Variants in NOS1AP observed in about 807,000 individuals in gnomAD.
NOS1AP encodes nitric oxide synthase 1 adaptor protein, also known as carboxyl-terminal PDZ ligand of neuronal nitric oxide synthase protein.
In NOS1AP, 21 loss-of-function variants were observed where a neutral mutation model predicts 56.2. The ratio of observed to expected loss-of-function variants is 0.37; its 90% confidence interval spans 0.26 to 0.54. NOS1AP has a LOEUF of 0.54. Among genes scored for constraint, NOS1AP ranks in the 20% least tolerant of loss-of-function variants. NOS1AP has a pLI of 0.84. For synonymous variants in NOS1AP, 270 were observed against 274.6 expected (o/e 0.98, Z 0.17); for missense variants, 522 against 657.8 (o/e 0.79, Z 2.26).
At chr1:162,328,651 G>C (rs1656668033) in intron 4 of NOS1AP, among the ~76,000 whole-genome samples, 1 of 152,228 alleles carries the variant, frequency 6.6e-6, no homozygotes, top group South Asian at 2.1e-4. Context: ...ATAATGACCA[G>C]GGTGTCCCAG....
intron 2 of NOS1AP, among the ~76,000 whole-genome samples, chr1:162,192,573 C>T (rs1248713435): frequency 6.6e-6 from 1 of 152,160 alleles, no homozygotes; most frequent in East Asian, 1.9e-4. Flanking sequence ...AGGCTGTTGC[C>T]TGCCATGTGG....
At chr1:162,238,414 A>G (rs1291629883) in intron 2 of NOS1AP, among the ~76,000 whole-genome samples, 1 of 152,062 alleles carries the variant, frequency 6.6e-6, no homozygotes, top group Non-Finnish European at 1.5e-5. Flanking sequence ...AGTGACCTCC[A>G]CTTAACTTAC....
chr1:162,323,973 G>C (rs1245942826), intron 4 of NOS1AP, among the ~76,000 whole-genome samples: 1 of 152,186 alleles, frequency 6.6e-6, no homozygotes, highest in Non-Finnish European at 1.5e-5. Flanking sequence ...TATAACACTT[G>C]AAGGAAGGTA....
chr1:162,345,781 A>T (rs1657274600), intron 6 of NOS1AP, among the ~76,000 whole-genome samples: 1 of 152,242 alleles, frequency 6.6e-6, no homozygotes, highest in South Asian at 2.1e-4. Flanking sequence ...AAATAGTAGT[A>T]CTGTGCACTT....
At chr1:162,137,778 C>T (rs998742862) in intron 1 of NOS1AP, among the ~76,000 whole-genome samples, 18 of 152,068 alleles carry the variant, frequency 1.2e-4, no homozygotes, top group African/African-American at 3.9e-4. Context: ...AATTGGGTCT[C>T]GCTGTGTTGC....
At chr1:162,362,975 A>G (rs1657952374) in intron 8 of NOS1AP, 13 of 930,656 alleles carry the variant, frequency 1.4e-5, no homozygotes, top group Non-Finnish European at 1.5e-5. Flanking sequence ...TACTGTCACA[A>G]CATACTTCTA....
At chr1:162,337,182 C>T (rs567688202) in intron 5 of NOS1AP, among the ~76,000 whole-genome samples, 4 of 152,282 alleles carry the variant, frequency 2.6e-5, no homozygotes, top group South Asian at 4.1e-4. Context: ...TGCATCAGTG[C>T]GTGAAGTGCT....
chr1:162,364,114 G>A (rs1259442115), intron 8 of NOS1AP: 1 of 985,316 alleles, frequency 1.0e-6, no homozygotes, highest in African/African-American at 1.7e-5. Context: ...CTAAAAAAAT[G>A]TGAATCTCTT....
In NOS1AP at chr1:162,300,631, A is replaced by C. The variant is rs1655618340; in HGVS notation, c.271-2A>C. The C allele has an allele frequency of 6.2e-7, 1 of 1,613,680 alleles. No individual in the cohort carries two copies. Among genetic ancestry groups the C allele is most frequent in the Non-Finnish European group, 8.5e-7 (1 of 1,179,608 alleles). The stretch of plus-strand genomic sequence containing the variant: ...GGACAAGCCTAACTTATTCATTTAC[A>C]GCTTCTTTTATTGCAGAAAAAGGAA... On this transcript the variant is annotated splice_acceptor_variant, in intron 3 of 9. Transcript: ENST00000361897. LOFTEE classifies it high-confidence loss of function.
chr1:162,218,236 A>T (rs1652646772), intron 2 of NOS1AP, among the ~76,000 whole-genome samples: 1 of 152,204 alleles, frequency 6.6e-6, no homozygotes, highest in Non-Finnish European at 1.5e-5. Flanking sequence ...AGGAGAAAGA[A>T]TCCTTGGCTG....
chr1:162,073,080 GT>G (rs1224517276), intron 1 of NOS1AP, among the ~76,000 whole-genome samples: 3 of 152,186 alleles, frequency 2.0e-5, no homozygotes, highest in Non-Finnish European at 4.4e-5. Flanking sequence ...GGGCATCTGG[GT>G]GGCAGAGGTT....
At chr1:162,111,977 A>T (rs1647727704) in intron 1 of NOS1AP, among the ~76,000 whole-genome samples, 1 of 152,162 alleles carries the variant, frequency 6.6e-6, no homozygotes, top group Admixed American at 6.5e-5. Context: ...AAATATTCAA[A>T]CCCAAATTAT....
intron 2 of NOS1AP, among the ~76,000 whole-genome samples, chr1:162,192,695 T>C (rs994557681): frequency 1.3e-5 from 2 of 152,230 alleles, no homozygotes; most frequent in South Asian, 2.1e-4. Context: ...CTGATTTAAA[T>C]ATATGTAAAT....
At chr1:162,308,256 GA>G (rs1382576584) in intron 4 of NOS1AP, among the ~76,000 whole-genome samples, 2 of 152,210 alleles carry the variant, frequency 1.3e-5, no homozygotes, top group Non-Finnish European at 2.9e-5. Context: ...CAGGTGCAGG[GA>G]AAACAGAAAG....
At chr1:162,301,271 TG>T (rs1387267046) in intron 4 of NOS1AP, among the ~76,000 whole-genome samples, 7 of 151,972 alleles carry the variant, frequency 4.6e-5, no homozygotes, top group Admixed American at 3.9e-4. Flanking sequence ...GTCATGAGGG[TG>T]GGGCCCTCAT....
At chr1:162,125,770 C>T (rs1444369461) in intron 1 of NOS1AP, among the ~76,000 whole-genome samples, 1 of 151,976 alleles carries the variant, frequency 6.6e-6, no homozygotes, top group Non-Finnish European at 1.5e-5. Flanking sequence ...TTTTTGGTTC[C>T]ATATGAATTT....
chr1:162,185,139 A>T (rs1651387882), intron 2 of NOS1AP, among the ~76,000 whole-genome samples: 1 of 152,182 alleles, frequency 6.6e-6, no homozygotes, highest in Non-Finnish European at 1.5e-5. Context: ...TCTTCCATAG[A>T]TATATCTCTT....
intron 2 of NOS1AP, among the ~76,000 whole-genome samples, chr1:162,171,268 G>A (rs1650768576): frequency 6.6e-6 from 1 of 152,176 alleles, no homozygotes; most frequent in African/African-American, 2.4e-5. Context: ...GGCTTGCTCT[G>A]GATCCCACAG....
chr1:162,294,799 T>C (rs1192056532), intron 3 of NOS1AP, among the ~76,000 whole-genome samples: 3 of 152,164 alleles, frequency 2.0e-5, no homozygotes, highest in Non-Finnish European at 4.4e-5. Flanking sequence ...TATCCACATA[T>C]AGAATTTGGG....
Sources: gnomAD v4.1 joint callset for allele counts (sites outside exome capture counted in the v4.1 genomes callset) on GRCh38, gnomAD v4.1.1 for gene constraint, MANE v1.5 for transcripts, NCBI Gene and HGNC (gene_info 2026-07-23, HGNC 2026-07-21) for gene names.